CAMK2A: variants seen among roughly 807,000 people sequenced by gnomAD.
CAMK2A encodes the protein calcium/calmodulin dependent protein kinase II alpha.
Under a neutral mutation model 79.2 loss-of-function variants are expected in CAMK2A, and 7 were observed. That is an observed-to-expected ratio of 0.09 (90% CI 0.05 to 0.17). CAMK2A has a LOEUF of 0.17. CAMK2A is among the 10% of genes least tolerant of loss of function. The pLI is 1.00. For missense variants in CAMK2A, 214 were observed against 646.4 expected, an observed-to-expected ratio of 0.33 and a Z score of 7.25; for synonymous variants, 242 against 251.7, an observed-to-expected ratio of 0.96 and a Z score of 0.36.
chr5:150,284,300 G>T lies in CAMK2A; in HGVS notation c.62+5264C>A, dbSNP rs1757333778. Among the ~76,000 whole-genome samples the T allele has an allele frequency of 6.6e-6, 1 of 152,076 alleles. No homozygotes were observed. The highest frequency in any genetic ancestry group is 2.1e-4 in the South Asian group (1 of 4,828). The stretch of plus-strand genomic sequence containing the variant: ...GCCCTGTCACAGCCAGTGTGTGTGT[G>T]TGTGTCCATGTGCATGTGTGTGCTC... On this transcript the variant is annotated intron_variant, in intron 1 of 18. Coordinates refer to ENST00000671881, the MANE Select transcript of CAMK2A (RefSeq NM_015981.4). This position sits in a 1 kb window ranked among gnomAD's most constrained non-coding sequence, Gnocchi z 5.3.
rs778642886 is a variant in CAMK2A, at chr5:150,238,757, G to A, written c.1018-9C>T. 107 of 1,596,734 alleles carry A rather than the reference G, an allele frequency of 6.7e-5. No homozygotes were observed. The East Asian group carries it at 7.7e-4, about 11-fold the overall frequency. ...GTGCTCTCTGAGGATTCCTGCCAAA[G>A]AGAATACAGGAGATGGTGAGGCCTG... On this transcript the variant is annotated splice_polypyrimidine_tract_variant and intron_variant, in intron 14 of 18. Coordinates refer to ENST00000671881, the MANE Select transcript of CAMK2A (RefSeq NM_015981.4).
chr5:150,244,750 G>A (rs1194259011), intron 13 of CAMK2A, among the ~76,000 whole-genome samples: 1 of 152,168 alleles, frequency 6.6e-6, no homozygotes, highest in Non-Finnish European at 1.5e-5. Flanking sequence ...GTGTACAGCG[G>A]GGCAGGGGCC....
chr5:150,223,098 C>A lies in CAMK2A; in HGVS notation c.1357G>T (p.Gly453Cys). Reference protein sequence around the residue: ...IRITQYLDAGGIPRTAQSEET... With the variant: ...IRITQYLDAGCIPRTAQSEET... ...TCCGACTGGGCGGTGCGTGGGATGC[C>A]GCCAGCGTCCAGGTACTGCGTGATG... The change falls in exon 18 of 19, where the codon GGC (glycine) becomes TGC (cysteine). Residue 453 changes from glycine to cysteine, a missense_variant. By Grantham distance (159) the Gly-to-Cys change is radical. Transcript: ENST00000671881. The surrounding 1 kb of genome is among the most constrained non-coding windows in gnomAD (Gnocchi z 4.1). The A allele has an allele frequency of 6.2e-7, 1 of 1,614,160 alleles. No individual in the cohort carries two copies. The highest frequency in any genetic ancestry group is 8.5e-7 in the Non-Finnish European group (1 of 1,180,042).
intron 15 of CAMK2A, among the ~76,000 whole-genome samples, chr5:150,237,343 A>C (rs891304570): frequency 6.9e-6 from 1 of 144,830 alleles, no homozygotes; most frequent in Admixed American, 7.3e-5. Flanking sequence ...CCTCGAGGTC[A>C]ACGGCCTTTT....
At chr5:150,281,974 T>C (rs910934698) in intron 1 of CAMK2A, among the ~76,000 whole-genome samples, 4 of 152,186 alleles carry the variant, frequency 2.6e-5, no homozygotes, top group Non-Finnish European at 5.9e-5. Flanking sequence ...AAATGGCAAA[T>C]AGATCAGAGG....
intron 3 of CAMK2A, among the ~76,000 whole-genome samples, chr5:150,263,903 C>T (rs1042890848): frequency 6.6e-6 from 1 of 152,172 alleles, no homozygotes; most frequent in Admixed American, 6.5e-5. Context: ...ATGCTGGTCC[C>T]GGAGCCTCTG....
intron 16 of CAMK2A, 123 bp from the exon 17 acceptor site, chr5:150,228,409 G>A: frequency 1.5e-6 from 1 of 678,272 alleles, no homozygotes. Context: ...TTAGTAGATG[G>A]GAAGGGGCCA....
chr5:150,267,828 C>T (rs1391167143), intron 2 of CAMK2A, among the ~76,000 whole-genome samples: 1 of 151,440 alleles, frequency 6.6e-6, no homozygotes, highest in Non-Finnish European at 1.5e-5. Context: ...AGCTCTGAGG[C>T]CTCTACCCCT....
intron 13 of CAMK2A, among the ~76,000 whole-genome samples, chr5:150,243,007 C>G (rs981487287): frequency 3.3e-5 from 5 of 152,234 alleles, no homozygotes; most frequent in Non-Finnish European, 7.3e-5. Flanking sequence ...CCACAGGAAG[C>G]AGTGACGCTT....
chr5:150,244,260 C>T (rs1216072677), intron 13 of CAMK2A, among the ~76,000 whole-genome samples: 2 of 152,188 alleles, frequency 1.3e-5, no homozygotes, highest in African/African-American at 4.8e-5. Flanking sequence ...CAGACTCCCT[C>T]GCATGCAACC....
Position 150,264,384 on chromosome 5 carries a change from A to G in CAMK2A, c.217+572T>C, listed in dbSNP as rs117167367. Among the ~76,000 whole-genome samples, 172 of 152,266 alleles carry G rather than the reference A, an allele frequency of 1.1e-3. No individual in the cohort carries two copies. In the East Asian group the frequency reaches 0.026, roughly 23 times the overall value. ...CTCATAGGCAGGGATCAGCCCCCCA[A>G]TTGCACAAGGGCTGAAGAAGGGGGG... is the stretch of plus-strand genomic sequence containing the variant. On this transcript the variant is annotated intron_variant, in intron 3 of 18. Transcript: ENST00000671881.
intron 17 of CAMK2A, among the ~76,000 whole-genome samples, chr5:150,226,744 A>AAGGGG (rs1491265849): frequency 3.6e-5 from 3 of 84,482 alleles, no homozygotes; most frequent in Non-Finnish European, 4.4e-5. Context: ...AAAAAAAAAA[A>AAGGGG]GGGGGGGGGG....
chr5:150,253,963 G>C (rs1399450300), intron 6 of CAMK2A, among the ~76,000 whole-genome samples: 1 of 152,202 alleles, frequency 6.6e-6, no homozygotes, highest in Non-Finnish European at 1.5e-5. Context: ...CTTTCGGGTA[G>C]GTATTATTAC....
At position 150,223,360 on chromosome 5, in the gene CAMK2A, A is replaced by C. The variant is rs1446770983; in HGVS notation, c.1238-143T>G. 2 of 649,686 alleles carry C rather than the reference A, an allele frequency of 3.1e-6. No individual in the cohort carries two copies. Among genetic ancestry groups the C allele is most frequent in the Non-Finnish European group, 5.4e-6 (2 of 371,280 alleles). 40.2% of individuals were successfully genotyped at this position (649,686 alleles called of 1,614,324 possible). A position where few individuals can be genotyped will look rare whatever the true frequency, so the allele number is the denominator to read the frequency against. ...GCAGGGAAGGGGCCTGTGTGGCAGG[A>C]CTCAGCTACCTGGGATCAAGGTAGA... On this transcript the variant is annotated intron_variant, in intron 17 of 18. Transcript: ENST00000671881. The surrounding 1 kb of genome is among the most constrained non-coding windows in gnomAD (Gnocchi z 4.1).
intron 2 of CAMK2A, among the ~76,000 whole-genome samples, chr5:150,267,462 G>T (rs1213662571): frequency 6.6e-6 from 1 of 152,210 alleles, no homozygotes; most frequent in African/African-American, 2.4e-5. Context: ...AGAAGAAAAC[G>T]CTGGCCATGC....
chr5:150,221,142 C>A lies in CAMK2A; in HGVS notation c.*1568G>T. 1 of 271,902 alleles carries A rather than the reference C, an allele frequency of 3.7e-6. No individual in the cohort carries two copies. The highest frequency in any genetic ancestry group is 6.8e-6 in the Non-Finnish European group (1 of 146,604). 16.8% of individuals were successfully genotyped at this position (271,902 alleles called of 1,614,324 possible). ...CTCTATTTTTTTTTTTAGTCCAAAA[C>A]ATGTAGATTGGTTTTGTTGAGTGTT... On this transcript the variant is annotated 3_prime_UTR_variant, in exon 19 of 19. Transcript: ENST00000671881.
chr5:150,237,375 C>T lies in CAMK2A; in HGVS notation c.1066+1325G>A, dbSNP rs1562145638. Among the ~76,000 whole-genome samples, 4 of 102,712 alleles carry T rather than the reference C, an allele frequency of 3.9e-5. No individual in the cohort carries two copies. In the South Asian group the frequency reaches 1.7e-3, roughly 45 times the overall value. 67.4% of individuals were successfully genotyped at this position (102,712 alleles called of 152,430 possible). A position where few individuals can be genotyped will look rare whatever the true frequency, so the allele number is the denominator to read the frequency against. On this transcript the variant is annotated intron_variant, in intron 15 of 18. Transcript: ENST00000671881. ...TTTTTTTATATTTCAGAGACCCCCC[C>T]CTGCCACTACCACCACCACCAGGCA... is the stretch of plus-strand genomic sequence containing the variant.
intron 1 of CAMK2A, among the ~76,000 whole-genome samples, chr5:150,276,156 CAAGGG>C (rs1756935870): frequency 6.6e-6 from 1 of 152,186 alleles, no homozygotes; most frequent in Non-Finnish European, 1.5e-5. Flanking sequence ...TAGAAAATTA[CAAGGG>C]TTTGGGGAGC....
Position 150,222,628 on chromosome 5 carries a change from C to T in CAMK2A, c.*82G>A, listed in dbSNP as rs1408562607. On this transcript the variant is annotated 3_prime_UTR_variant, in exon 19 of 19. Coordinates refer to ENST00000671881, the MANE Select transcript of CAMK2A (RefSeq NM_015981.4). Reference sequence around the variant, plus strand: ...GACATGGGAGAATTCCAGCAAAATCCACCTGGGAGAACCAGCAGCTCCACT... The same window carrying T: ...GACATGGGAGAATTCCAGCAAAATCTACCTGGGAGAACCAGCAGCTCCACT... 6.6e-7 allele frequency: 1 copy of T among 1,514,022 alleles called. No homozygotes were observed. 93.8% of individuals were successfully genotyped at this position (1,514,022 alleles called of 1,614,324 possible).
Sources: allele counts gnomAD v4.1 joint callset (sites outside exome capture counted in the v4.1 genomes callset), GRCh38; gene constraint gnomAD v4.1.1; non-coding constraint Gnocchi (gnomAD v3.1); transcripts MANE v1.5; gene names NCBI Gene and HGNC (gene_info 2026-07-23, HGNC 2026-07-21).